The following GINM1 variants were observed in gnomAD, a reference collection of about 807,000 sequenced individuals.
GINM1 encodes glycoprotein integral membrane protein 1.
Under a neutral mutation model 37.8 loss-of-function variants are expected in GINM1, and 29 were observed. The observed-to-expected ratio is 0.77, with a 90% CI of 0.57 to 1.05. GINM1 has a LOEUF of 1.05. GINM1 is among the 50% of genes least tolerant of loss of function. The pLI, the probability that GINM1 is intolerant of heterozygous loss-of-function variation, is 0.00. For missense variants in GINM1, 377 were observed against 397.9 expected (o/e 0.95, Z 0.45); for synonymous variants, 143 against 146.2 (o/e 0.98, Z 0.16).
intron 6 of GINM1, among the ~76,000 whole-genome samples, chr6:149,581,137 G>A (rs936329094): frequency 2.0e-5 from 3 of 152,060 alleles, no homozygotes; most frequent in South Asian, 2.1e-4. Flanking sequence ...TGGTTCTGCC[G>A]CTGACTAGTT....
At chr6:149,590,619 C>T in intron 7 of GINM1, 108 bp from the exon 8 acceptor site, 4 of 591,626 alleles carry the variant, frequency 6.8e-6, no homozygotes, top group Non-Finnish European at 1.2e-5. Context: ...AGCAAAAGCA[C>T]CTAACCTTAG....
intron 2 of GINM1, 64 bp from the exon 3 acceptor site, chr6:149,572,443 G>T: frequency 7.8e-7 from 1 of 1,278,238 alleles, no homozygotes; most frequent in South Asian, 1.3e-5. Flanking sequence ...AATCTTTTTT[G>T]ACTTGAAGAG....
chr6:149,580,035 T>C (rs771719024), intron 5 of GINM1, 45 bp downstream of exon 5: 1 of 1,247,552 alleles, frequency 8.0e-7, no homozygotes, highest in Non-Finnish European at 1.1e-6. Context: ...AGATTATTTA[T>C]TTAGTTGGTA....
At chr6:149,588,660 G>A (rs112400778) in intron 7 of GINM1, among the ~76,000 whole-genome samples, 2 of 152,114 alleles carry the variant, frequency 1.3e-5, no homozygotes, top group East Asian at 3.9e-4. Context: ...GTTTTGTTCT[G>A]TTGCCCAGGC....
At chr6:149,583,275 C>G (rs1778026668) in intron 7 of GINM1, among the ~76,000 whole-genome samples, 1 of 151,978 alleles carries the variant, frequency 6.6e-6, no homozygotes. Flanking sequence ...CCAGCCTGGC[C>G]AATATGATGA....
intron 7 of GINM1, among the ~76,000 whole-genome samples, chr6:149,589,433 C>CGGCT (rs1175041046): frequency 6.6e-6 from 1 of 151,276 alleles, no homozygotes; most frequent in Non-Finnish European, 1.5e-5. Flanking sequence ...CCACCACAGC[C>CGGCT]GGCTAATTTA....
chr6:149,569,691 C>A (rs1376783394), intron 1 of GINM1, among the ~76,000 whole-genome samples: 4 of 152,118 alleles, frequency 2.6e-5, no homozygotes, highest in African/African-American at 9.7e-5. Context: ...AACTTGGTCA[C>A]CAAAGAGAGG....
intron 1 of GINM1, among the ~76,000 whole-genome samples, chr6:149,570,136 T>A (rs73781234): frequency 0.068 from 3,089 of 45,462 alleles, 222 homozygotes; most frequent in African/African-American, 0.2. Flanking sequence ...TAGGTAGGTT[T>A]TATATATATA....
intron 3 of GINM1, among the ~76,000 whole-genome samples, chr6:149,576,812 G>A (rs1777921714): frequency 6.6e-6 from 1 of 152,170 alleles, no homozygotes; most frequent in African/African-American, 2.4e-5. Context: ...TGTATTAGAG[G>A]TACTGTATGA....
chr6:149,580,504 A>G (rs1158486994), intron 5 of GINM1, 89 bp from the exon 6 acceptor site: 2 of 1,157,238 alleles, frequency 1.7e-6, no homozygotes, highest in East Asian at 2.4e-5. Flanking sequence ...ATGTGTTCTT[A>G]CTATCCTAAA....
At chr6:149,583,018 T>G (rs1201274583) in intron 7 of GINM1, among the ~76,000 whole-genome samples, 3 of 152,128 alleles carry the variant, frequency 2.0e-5, no homozygotes, top group African/African-American at 4.8e-5. Context: ...ATTGCAGCAT[T>G]GTTTGTAATA....
chr6:149,588,585 G>C (rs1446430154), intron 7 of GINM1, among the ~76,000 whole-genome samples: 2 of 152,052 alleles, frequency 1.3e-5, no homozygotes, highest in African/African-American at 4.8e-5. Context: ...TACTAAGTAG[G>C]CCAGACTTTC....
chr6:149,570,190 A>ATG (rs1451240641), intron 1 of GINM1, among the ~76,000 whole-genome samples: 5 of 92,146 alleles, frequency 5.4e-5, no homozygotes, highest in Non-Finnish European at 1.1e-4. Flanking sequence ...ATATATATAT[A>ATG]TATATATAAA....
chr6:149,566,663 G>C lies in GINM1; in HGVS notation c.120+129G>C. 1 of 1,248,970 alleles carries C rather than the reference G, an allele frequency of 8.0e-7. No homozygotes were observed. Among genetic ancestry groups the C allele is most frequent in the Non-Finnish European group, 1.0e-6 (1 of 956,586 alleles). 77.4% of individuals were successfully genotyped at this position (1,248,970 alleles called of 1,614,324 possible). ...GGGGGTCCGGGCCCCCGAAGGAGGT[G>C]TGGGGAGAAGCACCCCAGGAAATGG... On this transcript the variant is annotated intron_variant, in intron 1 of 7. Coordinates refer to ENST00000367419, the MANE Select transcript of GINM1 (RefSeq NM_138785.5). This position sits in a 1 kb window ranked among gnomAD's most constrained non-coding sequence, Gnocchi z 4.4.
At chr6:149,572,786 A>G (rs1582732508) in intron 3 of GINM1, among the ~76,000 whole-genome samples, 183 bp downstream of exon 3, 1 of 152,192 alleles carries the variant, frequency 6.6e-6, no homozygotes, top group East Asian at 1.9e-4. Flanking sequence ...CTCAGCCTCC[A>G]AAGTAGCTGG....
rs760095579 is a variant in GINM1 at position 149,580,733 on chromosome 6, G to A, written c.717+10G>A. ...GCCATCTTCATATAAGGTAAATCAA[G>A]TATTTGGTGTTATCATAAGCATTCA... On this transcript the variant is annotated intron_variant, in intron 6 of 7. Transcript: ENST00000367419. The A allele has an allele frequency of 7.6e-6, 12 of 1,571,066 alleles. No individual in the cohort carries two copies. The highest frequency in any genetic ancestry group is 1.0e-5 in the Non-Finnish European group (12 of 1,153,692).
intron 7 of GINM1, among the ~76,000 whole-genome samples, chr6:149,590,310 C>T (rs544224947): frequency 6.6e-6 from 1 of 152,260 alleles, no homozygotes; most frequent in South Asian, 2.1e-4. Context: ...TAGATTCAAT[C>T]CAAAGACGTA....
At position 149,572,579 on chromosome 6, in the gene GINM1, C is replaced by T. The variant is rs762417430; in HGVS notation, c.253C>T (p.Arg85Ter). The change falls in exon 3 of 8, where the codon CGA becomes TGA. Residue 85 changes from arginine (R) to a stop codon, truncating the protein, a stop_gained. Transcript: ENST00000367419. LOFTEE classifies it high-confidence loss of function. Reference protein sequence around the residue: ...NDLPVNSGVTRISCQTLIVKN... With the variant: ...NDLPVNSGVT ...CTTACCTGTAAATAGTGGTGTAACCCGAATAAGCTGTCAGACTTTGATAGG... is the reference window on the plus strand; with the variant it reads ...CTTACCTGTAAATAGTGGTGTAACCTGAATAAGCTGTCAGACTTTGATAGG... 1.3e-5 allele frequency: 21 copies of T among 1,595,222 alleles called. No homozygotes were observed. Among genetic ancestry groups the T allele is most frequent in the Admixed American group, 5.0e-5 (3 of 59,478 alleles).
At chr6:149,589,231 G>T (rs1778117323) in intron 7 of GINM1, among the ~76,000 whole-genome samples, 1 of 151,996 alleles carries the variant, frequency 6.6e-6, no homozygotes, top group African/African-American at 2.4e-5. Context: ...AAGGGCATGA[G>T]CCACTGTGCC....
Sources: allele counts gnomAD v4.1 joint callset (sites outside exome capture counted in the v4.1 genomes callset), GRCh38; gene constraint gnomAD v4.1.1; non-coding constraint Gnocchi (gnomAD v3.1); transcripts MANE v1.5; gene names NCBI Gene and HGNC (gene_info 2026-07-23, HGNC 2026-07-21).